Variants in CDH13 observed in about 807,000 individuals in gnomAD.
CDH13 encodes the protein cadherin 13, also known as cadherin-13.
A neutral mutation model predicts 63.8 loss-of-function variants in CDH13; 24 were observed. That is an observed-to-expected ratio of 0.38 (90% CI 0.27 to 0.53). The LOEUF (loss-of-function observed/expected upper bound fraction) is 0.53, where lower values mean the gene tolerates loss of function less well. Ranked by LOEUF, CDH13 falls within the 20% of genes least tolerant of loss-of-function variation. The probability of loss-of-function intolerance (pLI) is 0.85; values close to 1 mark genes in which losing one functional copy is unlikely to be tolerated. For missense variants in CDH13, 1,049 were observed against 903.1 expected (o/e 1.16, Z -2.07); for synonymous variants, 503 against 355.3 (o/e 1.42, Z -4.67).
intron 1 of CDH13, among the ~76,000 whole-genome samples, chr16:82,846,732 A>G (rs1434704180): frequency 1.3e-5 from 2 of 152,132 alleles, no homozygotes; most frequent in Non-Finnish European, 2.9e-5. Flanking sequence ...GGTTTTATTC[A>G]TTTTTCCATC....
At chr16:83,429,118 G>A (rs1476810480) in intron 6 of CDH13, among the ~76,000 whole-genome samples, 1 of 152,220 alleles carries the variant, frequency 6.6e-6, no homozygotes, top group African/African-American at 2.4e-5. Context: ...GGCAGTGGGA[G>A]AGGATATTGC....
At chr16:83,031,972 C>G (rs768596627) in intron 2 of CDH13, 38 bp from the exon 3 acceptor site, 24 of 1,501,666 alleles carry the variant, frequency 1.6e-5, no homozygotes, top group South Asian at 1.2e-5. Flanking sequence ...GCTGCCCAAC[C>G]TACTCATGCT....
chr16:83,717,246 C>T (rs925980201), intron 10 of CDH13, among the ~76,000 whole-genome samples: 2 of 151,750 alleles, frequency 1.3e-5, no homozygotes, highest in East Asian at 1.9e-4. Flanking sequence ...GATGACAGAG[C>T]GAGATACTAT....
intron 1 of CDH13, among the ~76,000 whole-genome samples, chr16:82,750,835 T>C (rs41345948): frequency 0.015 from 2,332 of 152,282 alleles, 59 homozygotes; most frequent in African/African-American, 0.053. Flanking sequence ...TTTTCTGTTA[T>C]GGTTGAGTGC....
chr16:83,434,886 T>TGTGG (rs2151487881), intron 6 of CDH13, among the ~76,000 whole-genome samples: 1 of 146,350 alleles, frequency 6.8e-6, no homozygotes, highest in East Asian at 2.0e-4. Flanking sequence ...TGTGTGTATG[T>TGTGG]GTATTTAAAA....
intron 10 of CDH13, among the ~76,000 whole-genome samples, chr16:83,692,744 G>T (rs1344436858): frequency 6.6e-6 from 1 of 152,120 alleles, no homozygotes; most frequent in Admixed American, 6.5e-5. Flanking sequence ...CAGAGCAGCT[G>T]CATGGGAAAT....
chr16:83,526,735 A>G (rs1203611678), intron 7 of CDH13, among the ~76,000 whole-genome samples: 2 of 152,166 alleles, frequency 1.3e-5, no homozygotes, highest in Non-Finnish European at 2.9e-5. Context: ...CAGCCTGTAC[A>G]ATCTTCTGCT....
intron 1 of CDH13, chr16:82,688,872 A>C (rs1011454347): frequency 6.6e-6 from 1 of 152,216 alleles, no homozygotes; most frequent in Non-Finnish European, 1.5e-5. Flanking sequence ...CCATGTGACC[A>C]ATTTGCTTCT....
At chr16:83,228,356 A>G (rs2039903682) in intron 5 of CDH13, among the ~76,000 whole-genome samples, 1 of 152,128 alleles carries the variant, frequency 6.6e-6, no homozygotes, top group African/African-American at 2.4e-5. Flanking sequence ...CAGAGGGTCT[A>G]AAATTATTGC....
intron 1 of CDH13, among the ~76,000 whole-genome samples, chr16:82,777,287 G>A (rs1185194470): frequency 6.6e-6 from 1 of 152,222 alleles, no homozygotes; most frequent in Non-Finnish European, 1.5e-5. Flanking sequence ...TCTTGTAGCT[G>A]CTTTATAGAA....
intron 7 of CDH13, among the ~76,000 whole-genome samples, chr16:83,503,363 T>C (rs766743034): frequency 6.6e-6 from 1 of 152,196 alleles, no homozygotes; most frequent in Non-Finnish European, 1.5e-5. Context: ...TTTACCTAAA[T>C]TAGAGAGATT....
intron 4 of CDH13, among the ~76,000 whole-genome samples, chr16:83,129,055 A>T (rs2035935620): frequency 6.6e-6 from 1 of 152,020 alleles, no homozygotes; most frequent in Admixed American, 6.5e-5. Context: ...GTTTCTATTT[A>T]TCTGTCTTAC....
chr16:83,493,747 C>G (rs2074073207), intron 7 of CDH13, among the ~76,000 whole-genome samples: 1 of 152,184 alleles, frequency 6.6e-6, no homozygotes, highest in African/African-American at 2.4e-5. Context: ...TGGGAAACCA[C>G]CATTATTTAA....
intron 1 of CDH13, among the ~76,000 whole-genome samples, chr16:82,791,082 T>A (rs2036274166): frequency 6.6e-6 from 1 of 151,990 alleles, no homozygotes; most frequent in Non-Finnish European, 1.5e-5. Flanking sequence ...CTAAAAATAC[T>A]AAATATTAGC....
chr16:82,670,922 C>T (rs911073328), intron 1 of CDH13, among the ~76,000 whole-genome samples: 41 of 152,244 alleles, frequency 2.7e-4, no homozygotes, highest in African/African-American at 1.7e-4. Context: ...GCAGTATCAC[C>T]GAGGCTTCTC....
intron 5 of CDH13, among the ~76,000 whole-genome samples, chr16:83,340,637 G>A (rs143627068): frequency 1.8e-4 from 28 of 152,262 alleles, no homozygotes; most frequent in Non-Finnish European, 1.3e-4. Context: ...GTAGGATCTA[G>A]ACAGGACCGA....
At chr16:83,228,193 C>T (rs919741957) in intron 5 of CDH13, among the ~76,000 whole-genome samples, 1 of 152,288 alleles carries the variant, frequency 6.6e-6, no homozygotes, top group East Asian at 1.9e-4. Flanking sequence ...AGATGCCTGG[C>T]AGTGTCTGCA....
intron 3 of CDH13, among the ~76,000 whole-genome samples, chr16:83,112,807 G>A (rs1008656223): frequency 2.0e-5 from 3 of 152,226 alleles, no homozygotes; most frequent in East Asian, 1.9e-4. Context: ...CCAGACCTTC[G>A]TGAGCACCGT....
intron 1 of CDH13, among the ~76,000 whole-genome samples, chr16:82,676,351 T>C (rs961660175): frequency 1.3e-5 from 2 of 152,172 alleles, no homozygotes; most frequent in African/African-American, 4.8e-5. Flanking sequence ...TGTGGCACCA[T>C]TCTCCATCCA....
Sources: allele counts gnomAD v4.1 joint callset (sites outside exome capture counted in the v4.1 genomes callset), GRCh38; gene constraint gnomAD v4.1.1; transcripts MANE v1.5; gene names NCBI Gene and HGNC (gene_info 2026-07-23, HGNC 2026-07-21).